The following ABHD2 variants were observed in gnomAD, a reference collection of about 807,000 sequenced individuals.
The protein encoded by ABHD2 is abhydrolase domain containing 2, acylglycerol lipase, also known as monoacylglycerol lipase ABHD2.
A neutral mutation model predicts 48.1 loss-of-function variants in ABHD2; 20 were observed. That is an observed-to-expected ratio of 0.42 (90% CI 0.29 to 0.60). The LOEUF (loss-of-function observed/expected upper bound fraction) is 0.60, where lower values mean the gene tolerates loss of function less well. ABHD2 is among the 20% of genes least tolerant of loss of function. ABHD2 has a pLI of 0.24. For synonymous variants in ABHD2, 209 were observed against 214.2 expected (o/e 0.98, Z 0.21); for missense variants, 405 against 550.9 (o/e 0.74, Z 2.65).
At chr15:89,069,775 G>T in the ABHD2 span, among the ~76,000 whole-genome samples, 144 of 136,282 alleles carry the variant, frequency 1.1e-3, 1 homozygote, top group Middle Eastern at 8.6e-3. Context: ...TGCCTCCCAG[G>T]TTCAAGTGAT....
the ABHD2 span, among the ~76,000 whole-genome samples, chr15:89,076,590 C>A: frequency 6.6e-6 from 1 of 152,112 alleles, no homozygotes; most frequent in South Asian, 2.1e-4. Flanking sequence ...CTCAGGTGAT[C>A]TTCCCACCTC....
At chr15:89,050,367 A>T in the ABHD2 span, among the ~76,000 whole-genome samples, 2 of 152,182 alleles carry the variant, frequency 1.3e-5, no homozygotes, top group Non-Finnish European at 2.9e-5. Flanking sequence ...TCCAATGAAG[A>T]AATGCTTTGC....
At chr15:89,054,968 G>A in the ABHD2 span, among the ~76,000 whole-genome samples, 26,496 of 152,116 alleles carry the variant, frequency 0.17, 2,443 homozygotes, top group Admixed American at 0.19. Flanking sequence ...GCTCACGACT[G>A]TAATCCTAGT....
At chr15:89,115,201 C>T (rs772767541) in intron 2 of ABHD2, among the ~76,000 whole-genome samples, 1 of 152,168 alleles carries the variant, frequency 6.6e-6, no homozygotes, top group Non-Finnish European at 1.5e-5. Context: ...CCATAGCTAC[C>T]TTGGCTATGA....
In ABHD2 at chr15:89,146,186, G is replaced by C. The variant is rs1421929800; in HGVS notation, c.195-5491G>C. Among the ~76,000 whole-genome samples the C allele has an allele frequency of 6.6e-6, 1 of 152,148 alleles. No homozygotes were observed. The highest frequency in any genetic ancestry group is 1.9e-4 in the East Asian group (1 of 5,194). On this transcript the variant is annotated intron_variant, in intron 3 of 10. Coordinates refer to ENST00000352732, the MANE Select transcript of ABHD2 (RefSeq NM_152924.5). This position sits in a 1 kb window ranked among gnomAD's most constrained non-coding sequence, Gnocchi z 4.2. ...CAGTGAAGTCTGAGTTTAATCACTA[G>C]CTATAAAATAGTTTGATTTACAGCC...
chr15:89,136,361 G>T (rs540058197), intron 3 of ABHD2: 7 of 520,784 alleles, frequency 1.3e-5, no homozygotes, highest in Non-Finnish European at 2.6e-5. Flanking sequence ...ACCTCTCTGA[G>T]CACTTCTTAG....
chr15:89,044,855 G>T, the ABHD2 span, among the ~76,000 whole-genome samples: 2 of 151,898 alleles, frequency 1.3e-5, no homozygotes, highest in African/African-American at 4.8e-5. Context: ...TTTGTAGGTT[G>T]CCTGTTCACT....
intron 3 of ABHD2, among the ~76,000 whole-genome samples, chr15:89,125,629 G>T (rs891802709): frequency 4.6e-5 from 7 of 152,198 alleles, no homozygotes; most frequent in African/African-American, 1.4e-4. Flanking sequence ...CAGGACTGGG[G>T]CATGGGACTG....
chr15:89,163,674 T>C lies in ABHD2; in HGVS notation c.538+8140T>C, dbSNP rs183808434. ...GTTCATTAGAATACAGAGGAGCAGG[T>C]GTGATGTTTGAGTATTTAAAAAGAC... On this transcript the variant is annotated intron_variant, in intron 5 of 10. Transcript: ENST00000352732. 7.2e-4 allele frequency among the ~76,000 whole-genome samples: 110 copies of C among 152,366 alleles called. 2 individuals are homozygous for C. In the Middle Eastern group the frequency reaches 0.017, roughly 24 times the overall value.
intron 3 of ABHD2, among the ~76,000 whole-genome samples, chr15:89,118,383 TG>T (rs749291369): frequency 2.0e-5 from 3 of 152,116 alleles, no homozygotes; most frequent in Admixed American, 6.6e-5. Flanking sequence ...TTCACCATGT[TG>T]GCCAGGCTGG....
At position 89,116,234 on chromosome 15, in the gene ABHD2, C is replaced by G. The variant is rs1481475407; in HGVS notation, c.-6-88C>G. The G allele has an allele frequency of 1.6e-6, 2 of 1,252,456 alleles. No homozygotes were observed. Among genetic ancestry groups the G allele is most frequent in the Non-Finnish European group, 1.1e-6 (1 of 890,922 alleles). The allele number at this position is 1,252,456 out of a possible 1,614,324, so 77.6% of individuals were successfully genotyped here. ...TGTGACACACCGTCACTGGCAGTAT[C>G]TCTTAGCCCACCATGCGTCTGTAGG... On this transcript the variant is annotated intron_variant, in intron 2 of 10. Transcript: ENST00000352732. This position sits in a 1 kb window ranked among gnomAD's most constrained non-coding sequence, Gnocchi z 4.6.
At chr15:89,129,633 C>T (rs1025956262) in intron 3 of ABHD2, among the ~76,000 whole-genome samples, 8 of 152,106 alleles carry the variant, frequency 5.3e-5, no homozygotes, top group East Asian at 3.9e-4. Context: ...GAGCTGTTGC[C>T]CCCCGGGAAT....
At position 89,102,966 on chromosome 15, in the gene ABHD2, G is replaced by A. The variant is rs1414337489; in HGVS notation, c.-106-10759G>A. Among the ~76,000 whole-genome samples, 4 of 152,236 alleles carry A rather than the reference G, an allele frequency of 2.6e-5. No individual in the cohort carries two copies. Among genetic ancestry groups the A allele is most frequent in the Admixed American group, 2.0e-4 (3 of 15,288 alleles). On this transcript the variant is annotated intron_variant, in intron 1 of 10. Coordinates refer to ENST00000352732, the MANE Select transcript of ABHD2 (RefSeq NM_152924.5). The surrounding 1 kb of genome is among the most constrained non-coding windows in gnomAD (Gnocchi z 4.8). ...TGGGAGGCAGGAGGAGTGAGCCTTG[G>A]AACAATAGTGGAGTGTTTGTGGTGG...
At chr15:89,141,760 G>A (rs1244468870) in intron 3 of ABHD2, among the ~76,000 whole-genome samples, 2 of 152,210 alleles carry the variant, frequency 1.3e-5, no homozygotes, top group East Asian at 3.8e-4. Context: ...TTTAGTGCCA[G>A]CTTCTGGCTT....
chr15:89,190,787 A>G (rs2150951977), intron 8 of ABHD2, among the ~76,000 whole-genome samples: 1 of 152,342 alleles, frequency 6.6e-6, no homozygotes, highest in South Asian at 2.1e-4. Context: ...CCATTTGCCC[A>G]AGGTCACATA....
At chr15:89,169,540 T>C (rs1274443253) in intron 5 of ABHD2, among the ~76,000 whole-genome samples, 2 of 152,174 alleles carry the variant, frequency 1.3e-5, no homozygotes, top group Non-Finnish European at 1.5e-5. Flanking sequence ...GAACCAAACA[T>C]AAAGATATAG....
chr15:89,042,586 T>A, the ABHD2 span, among the ~76,000 whole-genome samples: 1 of 130,770 alleles, frequency 7.6e-6, no homozygotes, highest in Non-Finnish European at 1.6e-5. Context: ...TTTCTTTCTT[T>A]CTTATTTATT....
chr15:89,090,957 G>A (rs1901573632), intron 1 of ABHD2, among the ~76,000 whole-genome samples: 1 of 152,218 alleles, frequency 6.6e-6, no homozygotes, highest in Admixed American at 6.5e-5. Context: ...GCCTGGCCTG[G>A]CAGAAGCAAA....
intron 1 of ABHD2, among the ~76,000 whole-genome samples, chr15:89,098,884 A>T (rs2150781363): frequency 6.6e-6 from 1 of 152,352 alleles, no homozygotes; most frequent in East Asian, 1.9e-4. Context: ...AGATTTCTTT[A>T]AGTCTCTTAT....
Sources: allele counts gnomAD v4.1 joint callset (sites outside exome capture counted in the v4.1 genomes callset), GRCh38; gene constraint gnomAD v4.1.1; non-coding constraint Gnocchi (gnomAD v3.1); transcripts MANE v1.5; gene names NCBI Gene and HGNC (gene_info 2026-07-23, HGNC 2026-07-21).